The following HYDIN variants were observed in gnomAD, a reference collection of about 807,000 sequenced individuals.
HYDIN encodes the protein HYDIN axonemal central pair apparatus protein.
A neutral mutation model predicts 403.9 loss-of-function variants in HYDIN; 132 were observed. That is an observed-to-expected ratio of 0.33 (90% confidence interval 0.28 to 0.38). The LOEUF (loss-of-function observed/expected upper bound fraction) is 0.38, where lower values mean the gene tolerates loss of function less well. Among genes scored for constraint, HYDIN ranks in the 10% least tolerant of loss-of-function variants. HYDIN has a pLI of 1.00. For synonymous variants in HYDIN, 1,202 were observed against 1,891.7 expected (o/e 0.64, Z 9.46); for missense variants, 2,827 against 5,009.5 (o/e 0.56, Z 13.15).
chr16:71,202,800 A>C (rs1246443821), intron 1 of HYDIN, among the ~76,000 whole-genome samples: 1 of 152,152 alleles, frequency 6.6e-6, no homozygotes, highest in Non-Finnish European at 1.5e-5. Flanking sequence ...CAATCTATTA[A>C]AATATTTCTT....
chr16:71,186,713 A>C lies in HYDIN; in HGVS notation c.135+48T>G, dbSNP rs762062916. On this transcript the variant is annotated intron_variant, in intron 2 of 85. Coordinates refer to ENST00000393567, the MANE Select transcript of HYDIN (RefSeq NM_001270974.2). Reference sequence around the variant, plus strand: ...GCCAAGTAGCAACTGTCATTCTCCTAAGGAGATTGCATTAAGTATTTTACA... The same window carrying C: ...GCCAAGTAGCAACTGTCATTCTCCTCAGGAGATTGCATTAAGTATTTTACA... The C allele has an allele frequency of 3.4e-6, 5 of 1,466,956 alleles. No individual in the cohort carries two copies. The East Asian group carries it at 9.1e-5, about 27-fold the overall frequency. The allele number at this position is 1,466,956 out of a possible 1,614,324, so 90.9% of individuals were successfully genotyped here.
intron 23 of HYDIN, among the ~76,000 whole-genome samples, chr16:71,007,457 G>A (rs2144090219): frequency 6.6e-6 from 1 of 152,242 alleles, no homozygotes; most frequent in South Asian, 2.1e-4. Flanking sequence ...TGATATGTCA[G>A]TAGAAGACAG....
At chr16:71,165,732 G>T (rs1273294671) in intron 5 of HYDIN, among the ~76,000 whole-genome samples, 1 of 151,924 alleles carries the variant, frequency 6.6e-6, no homozygotes, top group Non-Finnish European at 1.5e-5. Context: ...CTTTTACATG[G>T]CGTGAGGGGG....
intron 13 of HYDIN, among the ~76,000 whole-genome samples, 164 bp from the exon 14 acceptor site, chr16:71,069,666 T>A (rs1224132998): frequency 6.6e-6 from 1 of 152,256 alleles, no homozygotes; most frequent in African/African-American, 2.4e-5. Flanking sequence ...TTTCATTCCA[T>A]CAATAAATAC....
intron 1 of HYDIN, among the ~76,000 whole-genome samples, chr16:71,228,674 G>A (rs183447273): frequency 5.3e-5 from 8 of 152,314 alleles, no homozygotes; most frequent in African/African-American, 1.9e-4. Flanking sequence ...TGGAGAGGAC[G>A]TGGAGAAATA....
rs771750479 is a variant in HYDIN at position 71,230,708 on chromosome 16, G to T, written c.-170C>A. 1.3e-6 allele frequency: 2 copies of T among 1,535,974 alleles called. No homozygotes were observed. Among genetic ancestry groups the T allele is most frequent in the Non-Finnish European group, 1.7e-6 (2 of 1,146,844 alleles). ...TCCATGCGCCGCCCGAGCTGTTGCC[G>T]TCCGTTGCCACGGTAACCACGGAGC... is the stretch of plus-strand genomic sequence containing the variant. On this transcript the variant is annotated 5_prime_UTR_variant, in exon 1 of 86. Transcript: ENST00000393567.
intron 1 of HYDIN, among the ~76,000 whole-genome samples, chr16:71,215,926 C>A (rs1330586793): frequency 6.6e-6 from 1 of 152,088 alleles, no homozygotes; most frequent in African/African-American, 2.4e-5. Context: ...CCACAAGATG[C>A]CCCTACACAT....
intron 8 of HYDIN, among the ~76,000 whole-genome samples, chr16:71,134,080 C>T (rs1054231122): frequency 2.6e-5 from 4 of 151,946 alleles, no homozygotes; most frequent in Non-Finnish European, 5.9e-5. Flanking sequence ...CTGCTGGAAA[C>T]GAATTGGTAT....
At chr16:70,995,359 C>T (rs1198403157) in intron 23 of HYDIN, among the ~76,000 whole-genome samples, 5 of 152,114 alleles carry the variant, frequency 3.3e-5, no homozygotes, top group African/African-American at 9.7e-5. Flanking sequence ...CAGAGCTCCC[C>T]GTATCAGAAT....
intron 18 of HYDIN, among the ~76,000 whole-genome samples, chr16:71,042,491 C>G (rs2081316016): frequency 6.6e-6 from 1 of 152,102 alleles, no homozygotes; most frequent in Non-Finnish European, 1.5e-5. Context: ...ACTTTCTTCT[C>G]TTCATCCTCC....
chr16:70,807,719 T>C lies in HYDIN; in HGVS notation c.15227A>G (p.Asn5076Ser), dbSNP rs2035178618. Residue 5076 changes from asparagine to serine, a missense_variant, in exon 86 of 86, where the codon AAC (asparagine) becomes AGC (serine). Physicochemically the swap from Asn to Ser is conservative, Grantham distance 46. Coordinates refer to ENST00000393567, the MANE Select transcript of HYDIN (RefSeq NM_001270974.2). ...GTTTCCTTCAAAGGAGACTGTGATGTTGTTGATCTTCTTGGGCCGCACAGA... is the reference window on the plus strand; with the variant it reads ...GTTTCCTTCAAAGGAGACTGTGATGCTGTTGATCTTCTTGGGCCGCACAGA... ...GESVRPKKINNITVSFEGNPS... is the reference protein window; with the variant it reads ...GESVRPKKINSITVSFEGNPS... The C allele has an allele frequency of 6.2e-7, 1 of 1,614,174 alleles. No individual in the cohort carries two copies. The highest frequency in any genetic ancestry group is 8.5e-7 in the Non-Finnish European group (1 of 1,180,034).
intron 23 of HYDIN, among the ~76,000 whole-genome samples, chr16:71,012,396 T>C (rs1396186153): frequency 6.6e-6 from 1 of 152,246 alleles, no homozygotes; most frequent in Non-Finnish European, 1.5e-5. Flanking sequence ...ACTCACAGGC[T>C]TCAAAGGCAA....
Position 70,920,992 on chromosome 16 carries a change from A to G in HYDIN, c.7384T>C (p.Leu2462=), listed in dbSNP as rs1475914948. 2.1e-5 allele frequency: 33 copies of G among 1,585,862 alleles called. No homozygotes were observed. The highest frequency in any genetic ancestry group is 2.5e-5 in the Non-Finnish European group (29 of 1,162,196). ...QLAPKFKTYE[L]TLKDVQNILM... is the part of the protein sequence containing the mutation. ...ATGTTCTGGACATCCTTCAGTGTCA[A>G]TTCATAGGTCTTAAACTTCGGGGCC... is the stretch of plus-strand genomic sequence containing the variant. Residue 2462 remains leucine (L), a synonymous_variant, in exon 46 of 86, where the codon TTG becomes CTG. Coordinates refer to ENST00000393567, the MANE Select transcript of HYDIN (RefSeq NM_001270974.2).
intron 1 of HYDIN, among the ~76,000 whole-genome samples, chr16:71,196,257 T>C (rs1249696955): frequency 1.3e-5 from 2 of 152,240 alleles, no homozygotes; most frequent in African/African-American, 4.8e-5. Context: ...CATGTCTATC[T>C]AGATGTTTCT....
intron 65 of HYDIN, among the ~76,000 whole-genome samples, chr16:70,870,677 G>A (rs1230975387): frequency 6.6e-6 from 1 of 152,026 alleles, no homozygotes; most frequent in Non-Finnish European, 1.5e-5. Context: ...ATGCACAAAA[G>A]CAGATTACCC....
At chr16:71,168,297 C>A in intron 5 of HYDIN, among the ~76,000 whole-genome samples, 1 of 132,938 alleles carries the variant, frequency 7.5e-6, no homozygotes, top group Admixed American at 8.5e-5. Flanking sequence ...CCAGTCTAGG[C>A]AACAAGAGCA....
chr16:71,219,008 T>C (rs1321328226), intron 1 of HYDIN, among the ~76,000 whole-genome samples: 2 of 152,214 alleles, frequency 1.3e-5, no homozygotes, highest in Non-Finnish European at 2.9e-5. Context: ...TTAAAAGCCA[T>C]GAGTACTGGT....
At chr16:70,984,890 G>A (rs1401085375) in intron 28 of HYDIN, among the ~76,000 whole-genome samples, 1 of 151,546 alleles carries the variant, frequency 6.6e-6, no homozygotes, top group South Asian at 2.1e-4. Context: ...GCAGCGTGAA[G>A]ACATCGGTGG....
At chr16:70,863,625 C>T (rs1282363448) in intron 67 of HYDIN, among the ~76,000 whole-genome samples, 1 of 152,204 alleles carries the variant, frequency 6.6e-6, no homozygotes, top group African/African-American at 2.4e-5. Flanking sequence ...CCTGTAATCC[C>T]AGCACTTTGG....
Sources: allele counts gnomAD v4.1 joint callset (sites outside exome capture counted in the v4.1 genomes callset), GRCh38; gene constraint gnomAD v4.1.1; transcripts MANE v1.5; gene names NCBI Gene and HGNC (gene_info 2026-07-23, HGNC 2026-07-21).